Variants in FMN2 observed in about 807,000 individuals in gnomAD.
The protein encoded by FMN2 is formin-2.
FMN2 carries 51 observed loss-of-function variants against 142.3 expected under a neutral mutation model. The ratio of observed to expected loss-of-function variants is 0.36; its 90% CI spans 0.29 to 0.45. The LOEUF (loss-of-function observed/expected upper bound fraction) is 0.45. Among genes scored for constraint, FMN2 ranks in the 20% least tolerant of loss-of-function variants. FMN2 has a pLI of 1.00. For missense variants in FMN2, 1,936 were observed against 2,122.8 expected (o/e 0.91, Z 1.73); for synonymous variants, 882 against 869.8 (o/e 1.01, Z -0.25).
At chr1:240,148,349 AAGACAGAGAGACAG>A (rs1663593209) in intron 2 of FMN2, among the ~76,000 whole-genome samples, 1 of 102,338 alleles carries the variant, frequency 9.8e-6, no homozygotes, top group African/African-American at 3.2e-5. Flanking sequence ...TAAAGAGAGA[AAGACAGAGAGACAG>A]AGACAGAGAG....
At chr1:240,342,806 A>T (rs1412665741) in intron 13 of FMN2, among the ~76,000 whole-genome samples, 1 of 152,214 alleles carries the variant, frequency 6.6e-6, no homozygotes, top group Non-Finnish European at 1.5e-5. Flanking sequence ...TTCTTTCCTC[A>T]TAGCTCATAG....
At chr1:240,252,952 A>ATTTTTTTTTTTTTTTTTTTTT (rs1572118578) in intron 6 of FMN2, among the ~76,000 whole-genome samples, 3 of 33,882 alleles carry the variant, frequency 8.9e-5, no homozygotes, top group African/African-American at 1.9e-4. Flanking sequence ...AGTCTTGTTC[A>ATTTTTTTTTTTTTTTTTTTTT]CTTTTTTTTT....
intron 16 of FMN2, among the ~76,000 whole-genome samples, chr1:240,457,046 C>T (rs765784135): frequency 7.4e-5 from 11 of 149,476 alleles, no homozygotes; most frequent in Non-Finnish European, 1.5e-4. Context: ...TCACCCTGGG[C>T]CTCATCATCT....
At chr1:240,298,079 T>TGGGGCGTA (rs1175476025) in intron 8 of FMN2, among the ~76,000 whole-genome samples, 1 of 152,116 alleles carries the variant, frequency 6.6e-6, no homozygotes, top group Non-Finnish European at 1.5e-5. Flanking sequence ...GAACTGAGGG[T>TGGGGCGTA]GGGGCGTAAA....
At chr1:240,141,104 AT>A (rs1175275794) in intron 2 of FMN2, among the ~76,000 whole-genome samples, 1 of 152,194 alleles carries the variant, frequency 6.6e-6, no homozygotes, top group African/African-American at 2.4e-5. Context: ...GGCCCTGTAC[AT>A]TTGTTAAATG....
intron 7 of FMN2, among the ~76,000 whole-genome samples, chr1:240,274,438 A>G (rs1366521557): frequency 6.6e-6 from 1 of 152,084 alleles, no homozygotes; most frequent in Non-Finnish European, 1.5e-5. Flanking sequence ...GCCTGGAGAG[A>G]GCACTCAGCG....
At position 240,306,873 on chromosome 1, in the gene FMN2, A is replaced by G. The variant is rs552700664; in HGVS notation, c.4215+11990A>G. Among the ~76,000 whole-genome samples, 5 of 152,332 alleles carry G rather than the reference A, an allele frequency of 3.3e-5. No homozygotes were observed. The East Asian group carries it at 5.8e-4, about 18-fold the overall frequency. On this transcript the variant is annotated intron_variant, in intron 8 of 17. Transcript: ENST00000319653. ...TAGTTTGCATTCCCACCAACAGTGT[A>G]TAAGCATTTCCTTGTCTTCACAACC... is the stretch of plus-strand genomic sequence containing the variant.
chr1:240,324,235 T>C (rs1671073773), intron 8 of FMN2, among the ~76,000 whole-genome samples: 1 of 152,196 alleles, frequency 6.6e-6, no homozygotes, highest in South Asian at 2.1e-4. Context: ...TTTCATTTGC[T>C]ATTGATTTAT....
intron 14 of FMN2, among the ~76,000 whole-genome samples, chr1:240,386,406 T>C (rs1028457374): frequency 1.3e-5 from 2 of 152,172 alleles, no homozygotes; most frequent in Non-Finnish European, 2.9e-5. Flanking sequence ...GACAAACAGA[T>C]GAAAGGGTTC....
At chr1:240,469,802 AG>A (rs1271737738) in intron 16 of FMN2, among the ~76,000 whole-genome samples, 2 of 152,098 alleles carry the variant, frequency 1.3e-5, no homozygotes, top group African/African-American at 4.8e-5. Context: ...CTTGCTCATG[AG>A]TATCTCTCTC....
Position 240,275,819 on chromosome 1 carries a change from A to AT in FMN2, c.4153+17790dup, listed in dbSNP as rs559268781. Reference sequence around the variant, plus strand: ...GAGATAGTGTCTCACTGTGGTTTTGATTTGCATTTCTCCAATGACCAGTAA... The same window carrying AT: ...GAGATAGTGTCTCACTGTGGTTTTGATTTTGCATTTCTCCAATGACCAGTAA... On this transcript the variant is annotated intron_variant, in intron 7 of 17. Coordinates refer to ENST00000319653, the MANE Select transcript of FMN2 (RefSeq NM_020066.5). Among the ~76,000 whole-genome samples the AT allele has an allele frequency of 7.2e-5, 11 of 152,166 alleles. No individual in the cohort carries two copies. The South Asian group carries it at 2.1e-3, about 29-fold the overall frequency.
chr1:240,288,787 A>G (rs1669679900), intron 7 of FMN2, among the ~76,000 whole-genome samples: 1 of 152,116 alleles, frequency 6.6e-6, no homozygotes, highest in Non-Finnish European at 1.5e-5. Context: ...GAAGAAGCCC[A>G]TCTGGCAAGA....
intron 7 of FMN2, among the ~76,000 whole-genome samples, chr1:240,264,669 A>G (rs943046948): frequency 6.6e-6 from 1 of 152,134 alleles, no homozygotes; most frequent in Non-Finnish European, 1.5e-5. Context: ...GCTGAGAATG[A>G]TGGTTTCCAG....
At chr1:240,121,327 G>A (rs79951408) in intron 1 of FMN2, among the ~76,000 whole-genome samples, 3,602 of 152,070 alleles carry the variant, frequency 0.024, 126 homozygotes, top group African/African-American at 0.082. Flanking sequence ...CCCTGGGCTA[G>A]GTGGACCCAG....
chr1:240,467,784 C>T (rs1344871237), intron 16 of FMN2, among the ~76,000 whole-genome samples: 2 of 152,098 alleles, frequency 1.3e-5, no homozygotes, highest in Non-Finnish European at 2.9e-5. Context: ...GAAATTTATT[C>T]AGCGTAGTTT....
At position 240,332,168 on chromosome 1, in the gene FMN2, GA is replaced by G. The variant is rs561388158; in HGVS notation, c.4584+1420del. ...CTTCCTTGGTACACCAGCAGCATAT[GA>G]TTTTTTTATTTTTATAATTGTTCAA... On this transcript the variant is annotated intron_variant, in intron 11 of 17. Coordinates refer to ENST00000319653, the MANE Select transcript of FMN2 (RefSeq NM_020066.5). 8.2e-4 allele frequency among the ~76,000 whole-genome samples: 125 copies of G among 152,034 alleles called. 1 individual carries two copies. Among genetic ancestry groups the G allele is most frequent in the African/African-American group, 2.7e-3 (113 of 41,456 alleles).
In FMN2 at chr1:240,207,466, G is replaced by T; in HGVS notation, c.2654G>T (p.Gly885Val). Residue 885 changes from glycine (G) to valine (V), a missense_variant, in exon 5 of 18, where the codon GGC becomes GTC. By Grantham distance (109) the Gly-to-Val change is moderately radical. This residue lies in a region of FMN2 where 478 missense variants were observed against 462.8 expected (regional missense o/e 1.03). Coordinates refer to ENST00000319653, the MANE Select transcript of FMN2 (RefSeq NM_020066.5). ...MVPPPPPPLP[G>V]MTVPTLPSTA... ...CCTCCCCCACCTCCCCCTCTCCCTG[G>T]CATGACAGTGCCTACTCTGCCCAGT... 2 of 1,613,000 alleles carry T rather than the reference G, an allele frequency of 1.2e-6. No homozygotes were observed. The highest frequency in any genetic ancestry group is 1.7e-4 in the Middle Eastern group (1 of 6,058).
chr1:240,191,298 C>CT (rs1275448584), intron 4 of FMN2, among the ~76,000 whole-genome samples: 6 of 152,322 alleles, frequency 3.9e-5, no homozygotes, highest in Admixed American at 2.0e-4. Context: ...AAACACATGA[C>CT]TCATAAAGCC....
intron 15 of FMN2, among the ~76,000 whole-genome samples, chr1:240,428,906 G>A (rs564815766): frequency 1.3e-5 from 2 of 152,176 alleles, no homozygotes; most frequent in Non-Finnish European, 2.9e-5. Flanking sequence ...TGCCTTGATT[G>A]TCTTCAGTAC....
Sources: allele counts gnomAD v4.1 joint callset (sites outside exome capture counted in the v4.1 genomes callset), GRCh38; gene constraint gnomAD v4.1.1; regional missense constraint gnomAD v4.1.1; transcripts MANE v1.5; gene names NCBI Gene and HGNC (gene_info 2026-07-23, HGNC 2026-07-21).